The following ASMTL variants were observed in gnomAD, a reference collection of about 807,000 sequenced individuals.
The protein encoded by ASMTL is acetylserotonin O-methyltransferase like.
A neutral mutation model predicts 60.3 loss-of-function variants in ASMTL; 57 were observed. The observed-to-expected ratio is 0.95, with a 90% CI of 0.76 to 1.18. ASMTL has a LOEUF of 1.18. Ranked by LOEUF, ASMTL falls within the 50% of genes most tolerant of loss-of-function variation. The probability of loss-of-function intolerance (pLI) is 0.00; values close to 1 mark genes in which losing one functional copy is unlikely to be tolerated. For missense variants in ASMTL, 981 were observed against 852.6 expected, an observed-to-expected ratio of 1.15 and a Z score of -1.88; for synonymous variants, 419 against 373.0, an observed-to-expected ratio of 1.12 and a Z score of -1.42.
At chrX:1,418,961 C>G in intron 10 of ASMTL, 21 bp downstream of exon 10, 1 of 1,611,060 alleles carries the variant, frequency 6.2e-7, no homozygotes, top group Non-Finnish European at 8.5e-7. Context: ...TAAGGAGAGC[C>G]CTGGCGGGGG....
chrX:1,439,121 C>T lies in ASMTL; in HGVS notation c.249G>A (p.Val83=), dbSNP rs1265150227. ...CCACGATCGTGTCCGCTCCAATGACCACGTCGGGGGCCCGCAGGTCTTTCT... is the reference window on the plus strand; with the variant it reads ...CCACGATCGTGTCCGCTCCAATGACTACGTCGGGGGCCCGCAGGTCTTTCT... ...LYQKDLRAPD[V]VIGADTIVTV... Residue 83 remains valine (V), a synonymous_variant, in exon 3 of 13, where the codon GTG becomes GTA. Transcript: ENST00000381317. The T allele has an allele frequency of 1.9e-6, 3 of 1,613,912 alleles. No homozygotes were observed. The highest frequency in any genetic ancestry group is 2.7e-5 in the African/African-American group (2 of 74,934).
At chrX:1,450,224 T>C (rs2091328156) in intron 1 of ASMTL, among the ~76,000 whole-genome samples, 1 of 151,916 alleles carries the variant, frequency 6.6e-6, no homozygotes, top group African/African-American at 2.4e-5. Context: ...GTCTCCTCCA[T>C]GTGATTAGGG....
chrX:1,438,595 C>G (rs1210083540), intron 3 of ASMTL, among the ~76,000 whole-genome samples: 1 of 152,202 alleles, frequency 6.6e-6, no homozygotes, highest in Non-Finnish European at 1.5e-5. Context: ...CTCACTGCAA[C>G]CCCGCCTCCT....
At chrX:1,413,341 G>A (rs1226257998) in intron 11 of ASMTL, among the ~76,000 whole-genome samples, 11 of 140,032 alleles carry the variant, frequency 7.9e-5, no homozygotes, top group East Asian at 4.8e-4. Flanking sequence ...CAGCCTGGGC[G>A]ACAAGAAGGC....
intron 11 of ASMTL, among the ~76,000 whole-genome samples, chrX:1,415,928 C>A (rs1349899986): frequency 1.3e-5 from 2 of 151,990 alleles, no homozygotes. Flanking sequence ...GCACACGCCA[C>A]AAGACATGCA....
chrX:1,443,586 CCGCCA>C (rs2091167580), intron 1 of ASMTL, among the ~76,000 whole-genome samples: 1 of 151,376 alleles, frequency 6.6e-6, no homozygotes, highest in Non-Finnish European at 1.5e-5. Flanking sequence ...TGGACACACA[CCGCCA>C]TCTTGGACAG....
chrX:1,405,575 G>T (rs748659958), intron 12 of ASMTL, among the ~76,000 whole-genome samples: 1 of 150,684 alleles, frequency 6.6e-6, no homozygotes, highest in African/African-American at 2.4e-5. Flanking sequence ...GCATGCATGA[G>T]ATGGATGGAT....
At chrX:1,428,257 C>A (rs1488844360) in intron 6 of ASMTL, 136 bp from the exon 7 acceptor site, 51 of 1,099,646 alleles carry the variant, frequency 4.6e-5, no homozygotes, top group South Asian at 3.5e-4. Flanking sequence ...CACAGTGAAA[C>A]CCTGTCTCTA....
At chrX:1,411,208 A>G (rs2090005813) in intron 12 of ASMTL, among the ~76,000 whole-genome samples, 1 of 118,790 alleles carries the variant, frequency 8.4e-6, no homozygotes, top group African/African-American at 3.2e-5. Flanking sequence ...AGAGAGATAC[A>G]CAGAGAAAGA....
At chrX:1,437,053 T>C (rs1357110509) in intron 3 of ASMTL, among the ~76,000 whole-genome samples, 13 of 151,298 alleles carry the variant, frequency 8.6e-5, no homozygotes, top group African/African-American at 2.9e-4. Flanking sequence ...TCTGTATCTG[T>C]GTCCTCATCT....
At chrX:1,421,497 ACAAGAGCCACGGCACTAAGTTCTC>A (rs1228458043) in intron 9 of ASMTL, 137 bp downstream of exon 9, 1 of 230,896 alleles carries the variant, frequency 4.3e-6, no homozygotes, top group Non-Finnish European at 7.1e-6. Context: ...GCTGAGTGAC[ACAAGAGCCACGGCACTAAGTTCTC>A]CAGGCAGAAC....
intron 7 of ASMTL, among the ~76,000 whole-genome samples, chrX:1,426,190 G>T (rs2090606993): frequency 6.6e-6 from 1 of 152,100 alleles, no homozygotes; most frequent in Non-Finnish European, 1.5e-5. Flanking sequence ...GAGGCCTCAG[G>T]AGGAACCAGC....
chrX:1,425,821 G>T, intron 7 of ASMTL, 134 bp from the exon 8 acceptor site: 1 of 840,900 alleles, frequency 1.2e-6, no homozygotes, highest in South Asian at 1.9e-5. Context: ...CACAGAGAAC[G>T]GTGGGGATTT....
chrX:1,413,160 C>A, intron 11 of ASMTL: 1 of 374,062 alleles, frequency 2.7e-6, no homozygotes, highest in Non-Finnish European at 5.0e-6. Flanking sequence ...CTCAGGAGTT[C>A]GAGACCAGCC....
intron 12 of ASMTL, among the ~76,000 whole-genome samples, chrX:1,405,223 T>TG (rs1391010710): frequency 4.3e-4 from 63 of 145,390 alleles, no homozygotes; most frequent in African/African-American, 1.5e-3. Flanking sequence ...AATGGATGGA[T>TG]AGATGGATGG....
At chrX:1,421,567 G>C in intron 9 of ASMTL, 91 bp downstream of exon 9, 1 of 1,384,706 alleles carries the variant, frequency 7.2e-7, no homozygotes, top group Non-Finnish European at 1.0e-6. Context: ...ACTGGAGACA[G>C]ACTGGTCAAG....
At chrX:1,452,133 A>ATGT (rs2091408922) in intron 1 of ASMTL, among the ~76,000 whole-genome samples, 1 of 51,550 alleles carries the variant, frequency 1.9e-5, no homozygotes, top group African/African-American at 8.0e-5. Context: ...ACTCTCCCCA[A>ATGT]CCCCATCCCT....
rs771530607 is a variant in ASMTL at position 1,412,855 on chromosome X, C to G, written c.1523-1G>C. 5.0e-6 allele frequency: 8 copies of G among 1,613,844 alleles called. No homozygotes were observed. The South Asian group carries it at 6.6e-5, about 13-fold the overall frequency. On this transcript the variant is annotated splice_acceptor_variant, in intron 11 of 12. Coordinates refer to ENST00000381317, the MANE Select transcript of ASMTL (RefSeq NM_004192.4). LOFTEE classifies it high-confidence loss of function. ...GGGAGGGGGTCCCTGAAAAAGTCAC[C>G]TGGTTTAAAGACAAAACGAGATACG...
rs1291275905 is a variant in ASMTL at position 1,435,071 on chromosome X, T to C, written c.351A>G (p.Arg117=). The change falls in exon 5 of 13, where the codon AGA becomes AGG. Residue 117 remains arginine, a synonymous_variant. Coordinates refer to ENST00000381317, the MANE Select transcript of ASMTL (RefSeq NM_004192.4). ...CGACACCTGTGAACACGCTGTGTTC[T>C]CTCCCACTCAACCTGTAAGACAACA... ...AYRMLSRLSG[R]EHSVFTGVAI... The C allele has an allele frequency of 1.2e-5, 19 of 1,613,806 alleles. No homozygotes were observed. The highest frequency in any genetic ancestry group is 1.6e-4 in the Middle Eastern group (1 of 6,070).
Sources: allele counts gnomAD v4.1 joint callset (sites outside exome capture counted in the v4.1 genomes callset), GRCh38; gene constraint gnomAD v4.1.1; transcripts MANE v1.5; gene names NCBI Gene and HGNC (gene_info 2026-07-23, HGNC 2026-07-21).